Variants in GSX2 observed in about 807,000 individuals in gnomAD.
GSX2 encodes GS homeobox 2.
Under a neutral mutation model 19.2 loss-of-function variants are expected in GSX2, and 16 were observed. The ratio of observed to expected loss-of-function variants is 0.84; its 90% CI spans 0.57 to 1.27. The LOEUF (loss-of-function observed/expected upper bound fraction) is 1.27. Among genes scored for constraint, GSX2 ranks in the 50% most tolerant of loss-of-function variants. The pLI is 0.00. For synonymous variants in GSX2, 217 were observed against 196.4 expected, an observed-to-expected ratio of 1.10 and a Z score of -0.88; for missense variants, 448 against 428.4, an observed-to-expected ratio of 1.05 and a Z score of -0.40.
In GSX2 at chr4:54,100,887, G is replaced by A; in HGVS notation, c.543G>A (p.Ala181=). 1 of 1,573,132 alleles carries A rather than the reference G, an allele frequency of 6.4e-7. No homozygotes were observed. Among genetic ancestry groups the A allele is most frequent in the Non-Finnish European group, 8.6e-7 (1 of 1,167,348 alleles). The change falls in exon 1 of 2, where the codon GCG becomes GCA. Residue 181 remains alanine, a synonymous_variant. Transcript: ENST00000326902. ...PVCTATTYNV[A]DPRRFHCLTM... is the part of the protein sequence containing the mutation. The stretch of plus-strand genomic sequence containing the variant: ...GCACCGCCACCACCTACAACGTGGC[G>A]GACCCGCGGAGATTCCACTGCCTCA...
In GSX2 at chr4:54,101,426, C is replaced by T. The variant is rs1718172659; in HGVS notation, c.575-156C>T. 6.6e-6 allele frequency among the ~76,000 whole-genome samples: 1 copy of T among 152,208 alleles called. No homozygotes were observed. Among genetic ancestry groups the T allele is most frequent in the Non-Finnish European group, 1.5e-5 (1 of 68,052 alleles). On this transcript the variant is annotated intron_variant, in intron 1 of 1. Coordinates refer to ENST00000326902, the MANE Select transcript of GSX2 (RefSeq NM_133267.3). The surrounding 1 kb of genome is among the most constrained non-coding windows in gnomAD (Gnocchi z 5.0). ...TTTGCTTTGCACGTCTCTTTTCTTC[C>T]CCGCTAAGCAACCACGTGCCTTGAA... is the stretch of plus-strand genomic sequence containing the variant.
chr4:54,100,818 G>T lies in GSX2; in HGVS notation c.474G>T (p.Ala158=), dbSNP rs1351143517. The change falls in exon 1 of 2, where the codon GCG becomes GCT. Residue 158 remains alanine (A), a synonymous_variant. Transcript: ENST00000326902. The part of the protein sequence containing the change: ...AAAAAAAAAA[A]AAAALGHPQH... ...CGGCAGCAGCAGCAGCGGCGGCGGC[G>T]GCCGCGGCGGCCTTGGGGCACCCGC... The T allele has an allele frequency of 5.5e-6, 8 of 1,449,172 alleles. No homozygotes were observed. In the East Asian group the frequency reaches 2.3e-4, roughly 42 times the overall value. The allele number at this position is 1,449,172 out of a possible 1,614,324, so 89.8% of individuals were successfully genotyped here.
rs1718179258 is a variant in GSX2 at position 54,101,739 on chromosome 4, G to A, written c.732G>A (p.Lys244=). 1.2e-6 allele frequency: 2 copies of A among 1,614,216 alleles called. No homozygotes were observed. Among genetic ancestry groups the A allele is most frequent in the East Asian group, 4.5e-5 (2 of 44,874 alleles). ...EIATYLNLSE[K]QVKIWFQNRR... is the part of the protein sequence containing the mutation. ...CCACTTACCTGAACCTGTCGGAGAA[G>A]CAGGTGAAAATCTGGTTTCAGAACC... is the stretch of plus-strand genomic sequence containing the variant. Residue 244 remains lysine, a synonymous_variant, in exon 2 of 2, where the codon AAG becomes AAA. Coordinates refer to ENST00000326902, the MANE Select transcript of GSX2 (RefSeq NM_133267.3). The surrounding 1 kb of genome is among the most constrained non-coding windows in gnomAD (Gnocchi z 5.0).
rs755287587 is a variant in GSX2 at position 54,101,794 on chromosome 4, G to C, written c.787G>C (p.Gly263Arg). ...AGTGAAGCACAAGAAGGAGGGGAAG[G>C]GCACGCAGAGGAACAGTCACGCGGG... ...RRVKHKKEGK[G>R]TQRNSHAGCK... The change falls in exon 2 of 2, where the codon GGC becomes CGC. Residue 263 changes from glycine to arginine, a missense_variant. By Grantham distance (125) the Gly-to-Arg change is moderately radical (BLOSUM62 -2). Transcript: ENST00000326902. The surrounding 1 kb of genome is among the most constrained non-coding windows in gnomAD (Gnocchi z 5.0). 5.6e-6 allele frequency: 9 copies of C among 1,614,110 alleles called. No homozygotes were observed. The highest frequency in any genetic ancestry group is 6.8e-6 in the Non-Finnish European group (8 of 1,180,048).
chr4:54,100,201 G>C lies in GSX2; in HGVS notation c.-144G>C. ...ACCAGCCCTCTCCGGGGACCCCTTTGTTCCCAGCCCAGACGCCAACACCTC... is the reference window on the plus strand; with the variant it reads ...ACCAGCCCTCTCCGGGGACCCCTTTCTTCCCAGCCCAGACGCCAACACCTC... On this transcript the variant is annotated 5_prime_UTR_variant, in exon 1 of 2. Transcript: ENST00000326902. The C allele has an allele frequency of 7.8e-7, 1 of 1,283,166 alleles. No homozygotes were observed. Among genetic ancestry groups the C allele is most frequent in the South Asian group, 1.4e-5 (1 of 69,868 alleles). 79.5% of individuals were successfully genotyped at this position (1,283,166 alleles called of 1,614,324 possible).
At position 54,101,602 on chromosome 4, in the gene GSX2, G is replaced by A. The variant is rs947436050; in HGVS notation, c.595G>A (p.Val199Ile). 2 of 1,613,048 alleles carry A rather than the reference G, an allele frequency of 1.2e-6. No individual in the cohort carries two copies. The highest frequency in any genetic ancestry group is 1.7e-5 in the Admixed American group (1 of 59,998). ...CGCAGGAGGCTCTGACGCCAGCCAG[G>A]TACCCAATGGCAAGAGGATGAGGAC... ...LTMGGSDASQ[V>I]PNGKRMRTAF... The change falls in exon 2 of 2, where the codon GTA becomes ATA. Residue 199 changes from valine (V) to isoleucine (I), a missense_variant. Physicochemically the swap from Val to Ile is conservative, Grantham distance 29. Coordinates refer to ENST00000326902, the MANE Select transcript of GSX2 (RefSeq NM_133267.3). The surrounding 1 kb of genome is among the most constrained non-coding windows in gnomAD (Gnocchi z 5.0).
chr4:54,100,949 CG>C, intron 1 of GSX2, 31 bp downstream of exon 1: 1 of 1,515,264 alleles, frequency 6.6e-7, no homozygotes, highest in Non-Finnish European at 8.8e-7. Context: ...ACCTGCGCTC[CG>C]CGCCTTTCGC....
In GSX2 at chr4:54,100,491, C is replaced by G; in HGVS notation, c.147C>G (p.Gly49=). Residue 49 remains glycine (G), a synonymous_variant, in exon 1 of 2, where the codon GGC becomes GGG. Coordinates refer to ENST00000326902, the MANE Select transcript of GSX2 (RefSeq NM_133267.3). The part of the protein sequence containing the change: ...PPLVMSVSGP[G]CPSRKSGAFC... Reference sequence around the variant, plus strand: ...TGGTGATGTCCGTGTCCGGCCCCGGCTGCCCGTCCCGCAAGAGCGGCGCGT... The same window carrying G: ...TGGTGATGTCCGTGTCCGGCCCCGGGTGCCCGTCCCGCAAGAGCGGCGCGT... The G allele has an allele frequency of 6.2e-7, 1 of 1,613,752 alleles. No homozygotes were observed. The highest frequency in any genetic ancestry group is 1.1e-5 in the South Asian group (1 of 91,054).
Position 54,100,599 on chromosome 4 carries a change from C to G in GSX2, c.255C>G (p.Ala85=). 1.3e-6 allele frequency: 2 copies of G among 1,560,344 alleles called. No individual in the cohort carries two copies. Among genetic ancestry groups the G allele is most frequent in the African/African-American group, 1.4e-5 (1 of 73,558 alleles). Residue 85 remains alanine (A), a synonymous_variant, in exon 1 of 2, where the codon GCC becomes GCG. Coordinates refer to ENST00000326902, the MANE Select transcript of GSX2 (RefSeq NM_133267.3). ...GCGCCGGCAGCGGGGGCGCAGGGGC[C>G]GGGGTTACCGGGGCCGGAGGCAGTG... ...SVGAGSGGAG[A]GVTGAGGSGV...
Position 54,101,586 on chromosome 4 carries a change from C to T in GSX2, c.579C>T (p.Gly193=). Residue 193 remains glycine, a synonymous_variant, in exon 2 of 2, where the codon GGC becomes GGT. Transcript: ENST00000326902. The surrounding 1 kb of genome is among the most constrained non-coding windows in gnomAD (Gnocchi z 5.0). ...CCTCTCTTCGCCGGTCCGCAGGAGG[C>T]TCTGACGCCAGCCAGGTACCCAATG... The part of the protein sequence containing the change: ...PRRFHCLTMG[G]SDASQVPNGK... The T allele has an allele frequency of 6.2e-7, 1 of 1,610,548 alleles. No individual in the cohort carries two copies.
Position 54,101,528 on chromosome 4 carries a change from T to TG in GSX2, c.575-51dup. The TG allele has an allele frequency of 8.0e-7, 1 of 1,249,026 alleles. No homozygotes were observed. Among genetic ancestry groups the TG allele is most frequent in the South Asian group, 1.3e-5 (1 of 74,872 alleles). 77.4% of individuals were successfully genotyped at this position (1,249,026 alleles called of 1,614,324 possible). ...AATGCGTCCTGGTTAGCACATGGGG[T>TG]GGGAGCACCTTGCCCGAGCCTTACC... On this transcript the variant is annotated intron_variant, in intron 1 of 1. Coordinates refer to ENST00000326902, the MANE Select transcript of GSX2 (RefSeq NM_133267.3). The surrounding 1 kb of genome is among the most constrained non-coding windows in gnomAD (Gnocchi z 5.0).
In GSX2 at chr4:54,101,814, C is replaced by A. The variant is rs772242337; in HGVS notation, c.807C>A (p.His269Gln). The change falls in exon 2 of 2, where the codon CAC becomes CAA. Residue 269 changes from histidine to glutamine, a missense_variant. Transcript: ENST00000326902. The surrounding 1 kb of genome is among the most constrained non-coding windows in gnomAD (Gnocchi z 5.0). Reference protein sequence around the residue: ...KEGKGTQRNSHAGCKCVGSQV... With the variant: ...KEGKGTQRNSQAGCKCVGSQV... ...GGAAGGGCACGCAGAGGAACAGTCA[C>A]GCGGGCTGCAAGTGCGTCGGGAGCC... 1.2e-6 allele frequency: 2 copies of A among 1,614,222 alleles called. No homozygotes were observed. The highest frequency in any genetic ancestry group is 1.7e-6 in the Non-Finnish European group (2 of 1,180,042).
In GSX2 at chr4:54,100,771, C is replaced by T; in HGVS notation, c.427C>T (p.Gln143Ter). Residue 143 changes from glutamine (Q) to a stop codon, truncating the protein, a stop_gained, in exon 1 of 2, where the codon CAG (glutamine) becomes TAG (stop). Transcript: ENST00000326902. LOFTEE classifies it high-confidence loss of function. ...QHHHHHHQPQ[Q>*]PGSAAAAAAA... is the part of the protein sequence containing the mutation. ...CCACCATCACCATCATCAGCCCCAG[C>T]AGCCTGGCTCGGCCGCGGCGGCGGC... 1 of 1,486,480 alleles carries T rather than the reference C, an allele frequency of 6.7e-7. No individual in the cohort carries two copies. The highest frequency in any genetic ancestry group is 8.9e-7 in the Non-Finnish European group (1 of 1,124,442). 92.1% of individuals were successfully genotyped at this position (1,486,480 alleles called of 1,614,324 possible).
rs1364767685 is a variant in GSX2, at chr4:54,101,488, C to G, written c.575-94C>G. ...ATACAGATGTTCGGCTGGGCTTCCC[C>G]GGGTGGGTCCCTGAAATGCGTCCTG... On this transcript the variant is annotated intron_variant, in intron 1 of 1. Transcript: ENST00000326902. This position sits in a 1 kb window ranked among gnomAD's most constrained non-coding sequence, Gnocchi z 5.0. The G allele has an allele frequency of 5.2e-6, 4 of 764,744 alleles. No individual in the cohort carries two copies. Among genetic ancestry groups the G allele is most frequent in the African/African-American group, 1.8e-5 (1 of 57,056 alleles). The allele number at this position is 764,744 out of a possible 1,614,324, so 47.4% of individuals were successfully genotyped here. A position where few individuals can be genotyped will look rare whatever the true frequency, so the allele number is the denominator to read the frequency against.
In GSX2 at chr4:54,101,577, C is replaced by A; in HGVS notation, c.575-5C>A. On this transcript the variant is annotated splice_region_variant and splice_polypyrimidine_tract_variant and intron_variant, in intron 1 of 1. Transcript: ENST00000326902. This position sits in a 1 kb window ranked among gnomAD's most constrained non-coding sequence, Gnocchi z 5.0. ...CCTCTCTACCCTCTCTTCGCCGGTC[C>A]GCAGGAGGCTCTGACGCCAGCCAGG... 6.2e-7 allele frequency: 1 copy of A among 1,604,360 alleles called. No individual in the cohort carries two copies. The highest frequency in any genetic ancestry group is 8.5e-7 in the Non-Finnish European group (1 of 1,173,178).
In GSX2 at chr4:54,102,223, T is replaced by TG. The variant is rs1248841241; in HGVS notation, c.*305dup. ...GGGTTGGTTTAAGTTTAACACTGTA[T>TG]GGGGTTTTTGAAAGCACATGTCAGT... On this transcript the variant is annotated 3_prime_UTR_variant, in exon 2 of 2. Coordinates refer to ENST00000326902, the MANE Select transcript of GSX2 (RefSeq NM_133267.3). 1 of 303,532 alleles carries TG rather than the reference T, an allele frequency of 3.3e-6. No individual in the cohort carries two copies. The highest frequency in any genetic ancestry group is 2.2e-5 in the African/African-American group (1 of 46,244). 18.8% of individuals were successfully genotyped at this position (303,532 alleles called of 1,614,324 possible).
At position 54,101,904 on chromosome 4, in the gene GSX2, G is replaced by A; in HGVS notation, c.897G>A (p.Lys299=). ...CGCCGGCCTCAGCCAACGATGACAA[G>A]GAGATTTCCCCCTTATGAGGGAGGG... ...SLSPASANDD[K]EISPL The change falls in exon 2 of 2, where the codon AAG becomes AAA. Residue 299 remains lysine, a synonymous_variant. Coordinates refer to ENST00000326902, the MANE Select transcript of GSX2 (RefSeq NM_133267.3). The surrounding 1 kb of genome is among the most constrained non-coding windows in gnomAD (Gnocchi z 5.0). The A allele has an allele frequency of 5.0e-6, 8 of 1,607,794 alleles. No homozygotes were observed. Among genetic ancestry groups the A allele is most frequent in the Non-Finnish European group, 6.8e-6 (8 of 1,176,236 alleles).
chr4:54,100,209 C>A lies in GSX2; in HGVS notation c.-136C>A. On this transcript the variant is annotated 5_prime_UTR_variant, in exon 1 of 2. Transcript: ENST00000326902. ...TCTCCGGGGACCCCTTTGTTCCCAG[C>A]CCAGACGCCAACACCTCTGCGTCCC... The A allele has an allele frequency of 7.4e-7, 1 of 1,346,558 alleles. No homozygotes were observed. 83.4% of individuals were successfully genotyped at this position (1,346,558 alleles called of 1,614,324 possible). A position where few individuals can be genotyped will look rare whatever the true frequency, so the allele number is the denominator to read the frequency against.
Position 54,100,705 on chromosome 4 carries a change from C to T in GSX2, c.361C>T (p.Arg121Trp). The T allele has an allele frequency of 6.5e-7, 1 of 1,549,198 alleles. No homozygotes were observed. Among genetic ancestry groups the T allele is most frequent in the African/African-American group, 1.4e-5 (1 of 72,986 alleles). The change falls in exon 1 of 2, where the codon CGG becomes TGG. Residue 121 changes from arginine to tryptophan, a missense_variant. Arg to Trp is a moderately radical substitution (Grantham distance 101, BLOSUM62 -3). Transcript: ENST00000326902. ...TCCTGGGGACGCGCAGTTTTGCCCG[C>T]GGGTGAACCATGCGCATCATCACCA... ...SAPGDAQFCP[R>W]VNHAHHHHHP...
Sources: gnomAD v4.1 joint callset for allele counts (sites outside exome capture counted in the v4.1 genomes callset) on GRCh38, gnomAD v4.1.1 for gene constraint, Gnocchi (gnomAD v3.1) non-coding constraint, MANE v1.5 for transcripts, NCBI Gene and HGNC (gene_info 2026-07-23, HGNC 2026-07-21) for gene names.